The following AUNIP variants were observed in gnomAD, a reference collection of about 807,000 sequenced individuals.
AUNIP encodes the protein aurora kinase A and ninein interacting protein, also known as aurora kinase A- and ninein-interacting protein.
AUNIP carries 16 observed loss-of-function variants against 12.2 expected under a neutral mutation model. The ratio of observed to expected loss-of-function variants is 1.31; its 90% CI spans 0.88 to 1.99. The LOEUF (loss-of-function observed/expected upper bound fraction) is 1.99. AUNIP is among the 30% of genes most tolerant of loss of function. The probability of loss-of-function intolerance (pLI) is 0.00; values close to 1 mark genes in which losing one functional copy is unlikely to be tolerated. For synonymous variants in AUNIP, 142 were observed against 154.8 expected (o/e 0.92, Z 0.61); for missense variants, 411 against 419.1 (o/e 0.98, Z 0.17).
At chr1:25,837,942 C>A (rs557198398) in intron 1 of AUNIP, among the ~76,000 whole-genome samples, 2 of 152,284 alleles carry the variant, frequency 1.3e-5, no homozygotes, top group South Asian at 2.1e-4. Flanking sequence ...AAGAGCATGG[C>A]TCAAGAATCA....
At chr1:25,835,954 A>G in intron 2 of AUNIP, 108 bp from the exon 3 acceptor site, 2 of 1,459,872 alleles carry the variant, frequency 1.4e-6, no homozygotes, top group South Asian at 1.4e-5. Context: ...TACCTAGTGC[A>G]GGAGTCTTAA....
At chr1:25,852,247 C>T (rs1034514057) in intron 1 of AUNIP, among the ~76,000 whole-genome samples, 1 of 152,068 alleles carries the variant, frequency 6.6e-6, no homozygotes, top group African/African-American at 2.4e-5. Context: ...AGCCACTGTG[C>T]TCTCTTTTAT....
intron 1 of AUNIP, among the ~76,000 whole-genome samples, chr1:25,839,510 C>T (rs1196984995): frequency 6.6e-6 from 1 of 152,192 alleles, no homozygotes. Flanking sequence ...CAGGGACATT[C>T]ATTAGAGCTC....
At chr1:25,856,585 G>A (rs1029473407) in intron 1 of AUNIP, among the ~76,000 whole-genome samples, 4 of 151,990 alleles carry the variant, frequency 2.6e-5, no homozygotes, top group Non-Finnish European at 4.4e-5. Context: ...TGAGGCAGGG[G>A]AACTGCTTGA....
rs1420855985 is a variant in AUNIP at position 25,846,442 on chromosome 1, A to G, written c.79-8888T>C. Reference sequence around the variant, plus strand: ...AAAAAAAAAAAAAAAAAAAAAAAAAAGCCAGGTGTGGTGGCTCACACCTGT... The same window carrying G: ...AAAAAAAAAAAAAAAAAAAAAAAAAGGCCAGGTGTGGTGGCTCACACCTGT... On this transcript the variant is annotated intron_variant, in intron 1 of 2. Coordinates refer to ENST00000374298, the MANE Select transcript of AUNIP (RefSeq NM_024037.3). Among the ~76,000 whole-genome samples the G allele has an allele frequency of 1.7e-4, 23 of 134,596 alleles. No individual in the cohort carries two copies. The East Asian group carries it at 4.6e-3, about 27-fold the overall frequency. 88.3% of individuals were successfully genotyped at this position (134,596 alleles called of 152,430 possible). A position where few individuals can be genotyped will look rare whatever the true frequency, so the allele number is the denominator to read the frequency against.
rs1243535523 is a variant in AUNIP at position 25,835,716 on chromosome 1, G to A, written c.351C>T (p.Ser117=). 1 of 1,614,184 alleles carries A rather than the reference G, an allele frequency of 6.2e-7. No individual in the cohort carries two copies. Among genetic ancestry groups the A allele is most frequent in the South Asian group, 1.1e-5 (1 of 91,086 alleles). Residue 117 remains serine (S), a synonymous_variant, in exon 3 of 3, where the codon TCC becomes TCT. Transcript: ENST00000374298. ...IPGLAHDCMA[S]PLATSTTADI... ...CTGCAGTGGTTGAAGTGGCTAAAGG[G>A]GATGCCATGCAATCGTGTGCTAAGC...
chr1:25,831,926 G>T, downstream of AUNIP: 1 of 1,613,920 alleles, frequency 6.2e-7, no homozygotes, highest in Non-Finnish European at 8.5e-7. Context: ...TCTAGGAACC[G>T]GAGTTTATTG....
chr1:25,849,846 G>C (rs1034716581), intron 1 of AUNIP, among the ~76,000 whole-genome samples: 1 of 152,046 alleles, frequency 6.6e-6, no homozygotes, highest in Non-Finnish European at 1.5e-5. Flanking sequence ...ATATTGGCCA[G>C]GCTGGTCTTG....
downstream of AUNIP, among the ~76,000 whole-genome samples, chr1:25,833,460 G>T (rs1160859896): frequency 6.6e-6 from 1 of 152,092 alleles, no homozygotes; most frequent in Admixed American, 6.6e-5. Context: ...TGACTGGAGA[G>T]ATGACATACA....
intron 2 of AUNIP, among the ~76,000 whole-genome samples, chr1:25,837,097 T>C (rs1328600619): frequency 6.6e-6 from 1 of 152,182 alleles, no homozygotes; most frequent in African/African-American, 2.4e-5. Flanking sequence ...CCAAGATATA[T>C]ACCACCTAAC....
chr1:25,835,908 T>C (rs2124494799), intron 2 of AUNIP, 62 bp from the exon 3 acceptor site: 1 of 1,568,086 alleles, frequency 6.4e-7, no homozygotes, highest in Non-Finnish European at 8.6e-7. Context: ...CAGGATTCAG[T>C]TGGCTTTTTC....
intron 1 of AUNIP, among the ~76,000 whole-genome samples, chr1:25,838,019 T>C (rs1317693995): frequency 6.8e-6 from 1 of 147,754 alleles, no homozygotes; most frequent in East Asian, 2.0e-4. Flanking sequence ...GGCGGGCAGA[T>C]AAGGAGGTCA....
At chr1:25,839,443 C>T (rs544905570) in intron 1 of AUNIP, among the ~76,000 whole-genome samples, 1 of 152,314 alleles carries the variant, frequency 6.6e-6, no homozygotes, top group South Asian at 2.1e-4. Flanking sequence ...TCCCAGAGCT[C>T]ACACAGGCTG....
chr1:25,851,795 G>A (rs1243250573), intron 1 of AUNIP, among the ~76,000 whole-genome samples: 3 of 152,150 alleles, frequency 2.0e-5, no homozygotes, highest in African/African-American at 7.2e-5. Flanking sequence ...GGAATGCAGT[G>A]GCACAATCTC....
chr1:25,843,679 A>G (rs2048362242), intron 1 of AUNIP, among the ~76,000 whole-genome samples: 1 of 151,446 alleles, frequency 6.6e-6, no homozygotes, highest in African/African-American at 2.4e-5. Flanking sequence ...ATTTAGAAGA[A>G]TTTGATTCCA....
chr1:25,859,416 A>G lies in AUNIP; in HGVS notation c.-59T>C. On this transcript the variant is annotated 5_prime_UTR_variant, in exon 1 of 3. Transcript: ENST00000374298. ...GCGCAGGCTCCCGGCGCCTCAGGGA[A>G]CGCCAGAACCGCGGCCGCCGACGTT... The G allele has an allele frequency of 7.1e-7, 1 of 1,412,720 alleles. No homozygotes were observed. Among genetic ancestry groups the G allele is most frequent in the Non-Finnish European group, 9.2e-7 (1 of 1,084,010 alleles). 87.5% of individuals were successfully genotyped at this position (1,412,720 alleles called of 1,614,324 possible).
intron 1 of AUNIP, among the ~76,000 whole-genome samples, chr1:25,850,484 A>T (rs1297553406): frequency 6.6e-6 from 1 of 152,194 alleles, no homozygotes; most frequent in Non-Finnish European, 1.5e-5. Flanking sequence ...TGAGATGTTG[A>T]TAAGGACTGC....
At position 25,847,818 on chromosome 1, in the gene AUNIP, G is replaced by A. The variant is rs1456915759; in HGVS notation, c.79-10264C>T. Among the ~76,000 whole-genome samples the A allele has an allele frequency of 6.6e-6, 1 of 151,952 alleles. No homozygotes were observed. The highest frequency in any genetic ancestry group is 1.5e-5 in the Non-Finnish European group (1 of 67,944). On this transcript the variant is annotated intron_variant, in intron 1 of 2. Coordinates refer to ENST00000374298, the MANE Select transcript of AUNIP (RefSeq NM_024037.3). The surrounding 1 kb of genome is among the most constrained non-coding windows in gnomAD (Gnocchi z 4.2). Reference sequence around the variant, plus strand: ...AAATTAGCCAGGTACAGTGGCGCATGCCTGTGGTCCCTGCTACTTGGGAGG... The same window carrying A: ...AAATTAGCCAGGTACAGTGGCGCATACCTGTGGTCCCTGCTACTTGGGAGG...
At chr1:25,846,674 C>T (rs1304242786) in intron 1 of AUNIP, among the ~76,000 whole-genome samples, 1 of 152,062 alleles carries the variant, frequency 6.6e-6, no homozygotes, top group Non-Finnish European at 1.5e-5. Flanking sequence ...GGTGAGATCG[C>T]ACCACTGCAC....
Sources: gnomAD v4.1 joint callset for allele counts (sites outside exome capture counted in the v4.1 genomes callset) on GRCh38, gnomAD v4.1.1 for gene constraint, Gnocchi (gnomAD v3.1) non-coding constraint, MANE v1.5 for transcripts, NCBI Gene and HGNC (gene_info 2026-07-23, HGNC 2026-07-21) for gene names.